Variants in FAM168A observed in about 807,000 individuals in gnomAD.
The protein encoded by FAM168A is protein FAM168A.
A neutral mutation model predicts 28.5 loss-of-function variants in FAM168A; 3 were observed. That is an observed-to-expected ratio of 0.11 (90% confidence interval 0.05 to 0.27). FAM168A has a LOEUF of 0.27. Ranked by LOEUF, FAM168A falls within the 10% of genes least tolerant of loss-of-function variation. FAM168A has a pLI of 1.00. For missense variants in FAM168A, 222 were observed against 311.5 expected (o/e 0.71, Z 2.16); for synonymous variants, 122 against 124.2 (o/e 0.98, Z 0.12).
intron 3 of FAM168A, among the ~76,000 whole-genome samples, chr11:73,428,155 C>A (rs1866922880): frequency 6.6e-6 from 1 of 152,128 alleles, no homozygotes; most frequent in Non-Finnish European, 1.5e-5. Flanking sequence ...CTTCCCAAAC[C>A]AAAGAAGAGA....
chr11:73,475,178 T>C (rs1217034590), intron 1 of FAM168A, among the ~76,000 whole-genome samples: 1 of 152,168 alleles, frequency 6.6e-6, no homozygotes, highest in Non-Finnish European at 1.5e-5. Flanking sequence ...AAGTAATATT[T>C]ACACAACAGG....
intron 1 of FAM168A, among the ~76,000 whole-genome samples, chr11:73,566,941 G>A (rs1485465600): frequency 6.6e-6 from 1 of 152,224 alleles, no homozygotes; most frequent in East Asian, 1.9e-4. Context: ...TGTTTGCCAA[G>A]TTGAGAAGGG....
intron 1 of FAM168A, among the ~76,000 whole-genome samples, chr11:73,592,077 CAGA>C (rs1387552883): frequency 1.3e-5 from 2 of 152,172 alleles, no homozygotes; most frequent in Non-Finnish European, 2.9e-5. Flanking sequence ...GCGACATGAT[CAGA>C]AGGCAAATCA....
intron 1 of FAM168A, among the ~76,000 whole-genome samples, chr11:73,592,674 G>A (rs1281617588): frequency 1.3e-5 from 2 of 152,166 alleles, no homozygotes; most frequent in Admixed American, 1.3e-4. Context: ...GAACGGGGAG[G>A]GAGATGGGGA....
At chr11:73,477,920 T>TGTAG (rs397848276) in intron 1 of FAM168A, among the ~76,000 whole-genome samples, 2 of 125,934 alleles carry the variant, frequency 1.6e-5, no homozygotes, top group Admixed American at 8.4e-5. Context: ...AAAGCTGATA[T>TGTAG]GTAGATAGAT....
At chr11:73,557,028 C>CA (rs200723048) in intron 1 of FAM168A, among the ~76,000 whole-genome samples, 8,140 of 136,322 alleles carry the variant, frequency 0.06, 443 homozygotes, top group African/African-American at 0.15. Flanking sequence ...GACACTGTCT[C>CA]AAAAAAAAAA....
At chr11:73,497,460 A>T (rs1487295503) in intron 1 of FAM168A, among the ~76,000 whole-genome samples, 2 of 152,126 alleles carry the variant, frequency 1.3e-5, no homozygotes, top group African/African-American at 4.8e-5. Flanking sequence ...CCCTCAAAAA[A>T]AAAAAAGACA....
At chr11:73,591,039 G>A (rs1161453314) in intron 1 of FAM168A, among the ~76,000 whole-genome samples, 11 of 152,150 alleles carry the variant, frequency 7.2e-5, no homozygotes. Context: ...AGCTACTCAA[G>A]AGGCTAAGGT....
intron 1 of FAM168A, among the ~76,000 whole-genome samples, chr11:73,572,130 G>A (rs574328344): frequency 4.7e-5 from 7 of 150,262 alleles, no homozygotes; most frequent in African/African-American, 1.7e-4. Context: ...GAGCGTTTCC[G>A]CCCGGCAGCC....
In FAM168A at chr11:73,461,887, A is replaced by G. The variant is rs576197818; in HGVS notation, c.70+6518T>C. ...GAAAAGTCTAATCTAAGAAAGGTAA[A>G]GGAGGTTTTTTAAAAATAAAAAGAA... On this transcript the variant is annotated intron_variant, in intron 2 of 7. Coordinates refer to ENST00000356467, the MANE Select transcript of FAM168A (RefSeq NM_015159.3). Among the ~76,000 whole-genome samples, 6 of 152,342 alleles carry G rather than the reference A, an allele frequency of 3.9e-5. No homozygotes were observed. The South Asian group carries it at 1.2e-3, about 32-fold the overall frequency.
At chr11:73,411,982 T>C (rs1484620865) in intron 4 of FAM168A, among the ~76,000 whole-genome samples, 1 of 152,128 alleles carries the variant, frequency 6.6e-6, no homozygotes, top group Non-Finnish European at 1.5e-5. Context: ...TTTCTGTCTT[T>C]CTCTCTTTTG....
At chr11:73,576,673 T>C (rs114368243) in intron 1 of FAM168A, among the ~76,000 whole-genome samples, 2,527 of 152,274 alleles carry the variant, frequency 0.017, 69 homozygotes, top group African/African-American at 0.056. Flanking sequence ...CTGACAACTT[T>C]ACAAGCAGAA....
At chr11:73,486,271 T>A (rs192105704) in intron 1 of FAM168A, among the ~76,000 whole-genome samples, 1 of 152,158 alleles carries the variant, frequency 6.6e-6, no homozygotes, top group Non-Finnish European at 1.5e-5. Flanking sequence ...CACATTCACA[T>A]TGTCATGCAA....
chr11:73,491,263 G>C (rs1240272514), intron 1 of FAM168A, among the ~76,000 whole-genome samples: 2 of 152,118 alleles, frequency 1.3e-5, no homozygotes, highest in Non-Finnish European at 2.9e-5. Context: ...GACATGATGG[G>C]AAGTTACTTA....
At chr11:73,559,451 CA>C (rs1170398906) in intron 1 of FAM168A, among the ~76,000 whole-genome samples, 34 of 140,604 alleles carry the variant, frequency 2.4e-4, no homozygotes, top group Middle Eastern at 3.6e-3. Flanking sequence ...GAAACTGTCT[CA>C]AAAAAAAAAA....
intron 2 of FAM168A, among the ~76,000 whole-genome samples, chr11:73,449,326 A>G (rs1867383460): frequency 2.0e-5 from 3 of 152,260 alleles, no homozygotes; most frequent in Admixed American, 6.5e-5. Flanking sequence ...TAACTGATGC[A>G]TAGTGAGTGA....
intron 1 of FAM168A, among the ~76,000 whole-genome samples, chr11:73,521,170 G>A (rs11235789): frequency 0.081 from 12,254 of 152,168 alleles, 580 homozygotes; most frequent in Admixed American, 0.11. Flanking sequence ...CTGCATGTGC[G>A]ACCTAGCCTA....
chr11:73,468,381 G>T, intron 2 of FAM168A, 24 bp downstream of exon 2: 1 of 1,608,834 alleles, frequency 6.2e-7, no homozygotes, highest in Non-Finnish European at 8.5e-7. Context: ...TTCTCAAAAT[G>T]AGAGCCATTC....
At position 73,402,354 on chromosome 11, in the gene FAM168A, T is replaced by C. The variant is rs1439710538; in HGVS notation, c.*4409A>G. 13 of 152,252 alleles carry C rather than the reference T, an allele frequency of 8.5e-5. No individual in the cohort carries two copies. Among genetic ancestry groups the C allele is most frequent in the Admixed American group, 8.5e-4 (13 of 15,284 alleles). The allele number at this position is 152,252 out of a possible 1,614,324, so 9.4% of individuals were successfully genotyped here. On this transcript the variant is annotated 3_prime_UTR_variant, in exon 8 of 8. Coordinates refer to ENST00000356467, the MANE Select transcript of FAM168A (RefSeq NM_015159.3). ...GAGCCTCGCTTAGTCAGTGCCTCGCTGGGAACCTGGATGAGTCCTATCTGT... is the reference window on the plus strand; with the variant it reads ...GAGCCTCGCTTAGTCAGTGCCTCGCCGGGAACCTGGATGAGTCCTATCTGT...
Sources: allele counts gnomAD v4.1 joint callset (sites outside exome capture counted in the v4.1 genomes callset), GRCh38; gene constraint gnomAD v4.1.1; transcripts MANE v1.5; gene names NCBI Gene and HGNC (gene_info 2026-07-23, HGNC 2026-07-21).